Variants in SETBP1 observed in about 807,000 individuals in gnomAD.
SETBP1 encodes SET binding protein 1, also known as SET-binding protein.
SETBP1 carries 9 observed loss-of-function variants against 101.0 expected under a neutral mutation model. The observed-to-expected ratio is 0.09, with a 90% CI of 0.05 to 0.16. SETBP1 has a LOEUF of 0.16. Among genes scored for constraint, SETBP1 ranks in the 10% least tolerant of loss-of-function variants. The pLI, the probability that SETBP1 is intolerant of heterozygous loss-of-function variation, is 1.00. For missense variants in SETBP1, 1,858 were observed against 2,033.8 expected, an observed-to-expected ratio of 0.91 and a Z score of 1.66; for synonymous variants, 818 against 788.5, an observed-to-expected ratio of 1.04 and a Z score of -0.63.
intron 3 of SETBP1, among the ~76,000 whole-genome samples, chr18:44,879,281 C>T (rs1159044150): frequency 1.3e-5 from 2 of 152,122 alleles, no homozygotes; most frequent in African/African-American, 4.8e-5. Context: ...ATTTTGGAAC[C>T]AAACTGATAA....
At chr18:44,761,548 A>G (rs1467012042) in intron 2 of SETBP1, among the ~76,000 whole-genome samples, 1 of 152,226 alleles carries the variant, frequency 6.6e-6, no homozygotes. Context: ...GTTGATCCTA[A>G]CATTCTTTAC....
intron 3 of SETBP1, among the ~76,000 whole-genome samples, chr18:44,927,430 G>C (rs2070730099): frequency 6.6e-6 from 1 of 152,108 alleles, no homozygotes; most frequent in African/African-American, 2.4e-5. Context: ...ACTGCTTCAA[G>C]AAATATACAA....
intron 4 of SETBP1, among the ~76,000 whole-genome samples, chr18:44,962,080 GA>G (rs1185585877): frequency 1.3e-5 from 2 of 152,172 alleles, no homozygotes; most frequent in Non-Finnish European, 2.9e-5. Flanking sequence ...CAGAAGGAAA[GA>G]AAAATCAAGA....
rs912711266 is a variant in SETBP1 at position 45,063,473 on chromosome 18, G to A, written c.4566G>A (p.Leu1522=). Residue 1522 remains leucine (L), a synonymous_variant, in exon 6 of 6, where the codon CTG becomes CTA. Coordinates refer to ENST00000649279, the MANE Select transcript of SETBP1 (RefSeq NM_015559.3). The stretch of plus-strand genomic sequence containing the variant: ...ACATGGCCCGGGAGGCGCCGCCCCT[G>A]CCCCCGCCACCGCCGCCGCCCCTGC... ...VIHMAREAPP[L]PPPPPPPLPP... is the part of the protein sequence containing the mutation. The A allele has an allele frequency of 3.6e-5, 52 of 1,442,222 alleles. No individual in the cohort carries two copies. In the African/African-American group the frequency reaches 7.0e-4, roughly 20 times the overall value. 89.3% of individuals were successfully genotyped at this position (1,442,222 alleles called of 1,614,324 possible). A position where few individuals can be genotyped will look rare whatever the true frequency, so the allele number is the denominator to read the frequency against.
At position 44,950,971 on chromosome 18, in the gene SETBP1, G is replaced by C. The variant is rs201672132; in HGVS notation, c.1631G>C (p.Arg544Pro). Residue 544 changes from arginine (R) to proline (P), a missense_variant, in exon 4 of 6, where the codon CGA becomes CCA. Physicochemically the swap from Arg to Pro is moderately radical, Grantham distance 103 (BLOSUM62 -2). Coordinates refer to ENST00000649279, the MANE Select transcript of SETBP1 (RefSeq NM_015559.3). ...AAACCAAAACCTAGCACCATGCTTC[G>C]AGAGGCAGTTATGGCCACCTCTGAT... The part of the protein sequence containing the change: ...CSKPKPSTML[R>P]EAVMATSDKL... 4.3e-6 allele frequency: 7 copies of C among 1,614,072 alleles called. No individual in the cohort carries two copies. In the South Asian group the frequency reaches 7.7e-5, roughly 18 times the overall value.
chr18:44,746,711 T>C (rs1434363602), intron 2 of SETBP1, among the ~76,000 whole-genome samples: 1 of 152,204 alleles, frequency 6.6e-6, no homozygotes, highest in East Asian at 1.9e-4. Flanking sequence ...AGTTTAGAAA[T>C]AATCATTTAT....
intron 2 of SETBP1, among the ~76,000 whole-genome samples, chr18:44,710,153 A>G (rs190149112): frequency 3.1e-3 from 467 of 152,282 alleles, no homozygotes; most frequent in Non-Finnish European, 5.1e-3. Flanking sequence ...AAGAGAAACA[A>G]TCCGTTTTTG....
intron 3 of SETBP1, among the ~76,000 whole-genome samples, chr18:44,934,895 A>G (rs1209059777): frequency 6.6e-6 from 1 of 152,196 alleles, no homozygotes; most frequent in African/African-American, 2.4e-5. Context: ...GACACATGCC[A>G]CACTATCTTC....
intron 4 of SETBP1, among the ~76,000 whole-genome samples, chr18:44,995,135 CTTT>C (rs58617770): frequency 0.12 from 11,423 of 94,262 alleles, 367 homozygotes; most frequent in East Asian, 0.23. Flanking sequence ...ATGTTATTTA[CTTT>C]TTTTTTTTTT....
intron 4 of SETBP1, among the ~76,000 whole-genome samples, chr18:45,015,859 A>G (rs561265627): frequency 4.3e-4 from 65 of 152,318 alleles, no homozygotes; most frequent in Non-Finnish European, 8.1e-4. Context: ...GAGATTTGAC[A>G]TTTAGTCATG....
At chr18:44,731,660 G>GCACA (rs140767298) in intron 2 of SETBP1, among the ~76,000 whole-genome samples, 2 of 150,614 alleles carry the variant, frequency 1.3e-5, no homozygotes, top group Admixed American at 1.3e-4. Flanking sequence ...ACACGCGCAC[G>GCACA]CACACACACA....
At position 44,952,293 on chromosome 18, in the gene SETBP1, A is replaced by G. The variant is rs377267329; in HGVS notation, c.2953A>G (p.Ile985Val). 64 of 1,613,756 alleles carry G rather than the reference A, an allele frequency of 4.0e-5. No individual in the cohort carries two copies. The highest frequency in any genetic ancestry group is 5.0e-5 in the Non-Finnish European group (59 of 1,179,978). Residue 985 changes from isoleucine (I) to valine (V), a missense_variant, in exon 4 of 6, where the codon ATT becomes GTT. By Grantham distance (29) the Ile-to-Val change is conservative. Transcript: ENST00000649279. ...TFYHENPYPS[I>V]FRINFDHYYP... Reference sequence around the variant, plus strand: ...CTACCACGAGAATCCATATCCCAGCATTTTTCGGATTAATTTTGATCACTA... The same window carrying G: ...CTACCACGAGAATCCATATCCCAGCGTTTTTCGGATTAATTTTGATCACTA...
chr18:44,686,383 C>T (rs903450946), intron 1 of SETBP1, among the ~76,000 whole-genome samples: 16 of 152,320 alleles, frequency 1.1e-4, no homozygotes, highest in Non-Finnish European at 2.2e-4. Context: ...GCCTCCACAC[C>T]TCAGCTGTCT....
At chr18:44,908,811 T>C (rs2070237731) in intron 3 of SETBP1, among the ~76,000 whole-genome samples, 1 of 152,252 alleles carries the variant, frequency 6.6e-6, no homozygotes, top group Non-Finnish European at 1.5e-5. Flanking sequence ...ATTCATGTCC[T>C]GTAGAGTACT....
chr18:44,917,839 T>C (rs935267564), intron 3 of SETBP1, among the ~76,000 whole-genome samples: 9 of 152,060 alleles, frequency 5.9e-5, no homozygotes, highest in Non-Finnish European at 1.2e-4. Context: ...GGGATGACTC[T>C]ACTACTCACC....
At chr18:44,846,895 T>C (rs1282250351) in intron 2 of SETBP1, among the ~76,000 whole-genome samples, 1 of 152,180 alleles carries the variant, frequency 6.6e-6, no homozygotes, top group African/African-American at 2.4e-5. Context: ...GCTGTTACCA[T>C]CTCCCAAACT....
At chr18:44,960,385 A>G (rs1407074957) in intron 4 of SETBP1, among the ~76,000 whole-genome samples, 1 of 152,168 alleles carries the variant, frequency 6.6e-6, no homozygotes, top group Admixed American at 6.5e-5. Context: ...GAGACAGAAT[A>G]TCTGTCACCC....
In SETBP1 at chr18:44,806,994, T is replaced by C. The variant is rs377170573; in HGVS notation, c.487-62236T>C. Among the ~76,000 whole-genome samples, 4 of 152,052 alleles carry C rather than the reference T, an allele frequency of 2.6e-5. No homozygotes were observed. In the South Asian group the frequency reaches 8.3e-4, roughly 32 times the overall value. Reference sequence around the variant, plus strand: ...TTCCATTTCAGGATTCCATTATTGTTCTCAGTAAGCCCCAGAGAGCTAATA... The same window carrying C: ...TTCCATTTCAGGATTCCATTATTGTCCTCAGTAAGCCCCAGAGAGCTAATA... On this transcript the variant is annotated intron_variant, in intron 2 of 5. Transcript: ENST00000649279.
intron 3 of SETBP1, among the ~76,000 whole-genome samples, chr18:44,891,459 T>C (rs2069767577): frequency 6.6e-6 from 1 of 152,132 alleles, no homozygotes; most frequent in Non-Finnish European, 1.5e-5. Context: ...CCTCTGAATA[T>C]AGGACAGAGG....
Sources: gnomAD v4.1 joint callset for allele counts (sites outside exome capture counted in the v4.1 genomes callset) on GRCh38, gnomAD v4.1.1 for gene constraint, MANE v1.5 for transcripts, NCBI Gene and HGNC (gene_info 2026-07-23, HGNC 2026-07-21) for gene names.